LSAMP: variants seen among roughly 807,000 people sequenced by gnomAD.
The protein encoded by LSAMP is limbic system associated membrane protein.
LSAMP carries 7 observed loss-of-function variants against 38.6 expected under a neutral mutation model. The observed-to-expected ratio is 0.18, with a 90% CI of 0.10 to 0.34. The LOEUF (loss-of-function observed/expected upper bound fraction) is 0.34. Among genes scored for constraint, LSAMP ranks in the 10% least tolerant of loss-of-function variants. The pLI is 1.00. For synonymous variants in LSAMP, 154 were observed against 166.8 expected, an observed-to-expected ratio of 0.92 and a Z score of 0.59; for missense variants, 313 against 420.0, an observed-to-expected ratio of 0.75 and a Z score of 2.23.
intron 3 of LSAMP, among the ~76,000 whole-genome samples, chr3:115,941,088 A>C (rs1937903903): frequency 6.6e-6 from 1 of 152,174 alleles, no homozygotes; most frequent in Admixed American, 6.5e-5. Context: ...TCAATAGCAA[A>C]AACTCAAATG....
intron 3 of LSAMP, among the ~76,000 whole-genome samples, chr3:115,907,679 A>G (rs956291039): frequency 1.3e-5 from 2 of 152,178 alleles, no homozygotes; most frequent in African/African-American, 4.8e-5. Flanking sequence ...AAATAGCAAA[A>G]AGTAGTTCTC....
intron 6 of LSAMP, among the ~76,000 whole-genome samples, chr3:115,821,105 G>A (rs1269567646): frequency 6.6e-6 from 1 of 152,060 alleles, no homozygotes; most frequent in African/African-American, 2.4e-5. Context: ...TACGTGATGT[G>A]ATTTTTTTCT....
At chr3:115,975,626 A>T (rs1440716632) in intron 3 of LSAMP, among the ~76,000 whole-genome samples, 1 of 151,854 alleles carries the variant, frequency 6.6e-6, no homozygotes, top group South Asian at 2.1e-4. Context: ...CACTCTCCTG[A>T]CTCCTGTACT....
intron 1 of LSAMP, among the ~76,000 whole-genome samples, chr3:116,102,533 T>A (rs1452060469): frequency 6.6e-6 from 1 of 152,208 alleles, no homozygotes; most frequent in Non-Finnish European, 1.5e-5. Flanking sequence ...TCTTCCCAAA[T>A]GTGGGTAGGC....
In LSAMP at chr3:115,938,431, T is replaced by G. The variant is rs147963230; in HGVS notation, c.514+81084A>C. Among the ~76,000 whole-genome samples, 664 of 152,318 alleles carry G rather than the reference T, an allele frequency of 4.4e-3. 9 individuals carry two copies. The highest frequency in any genetic ancestry group is 0.016 in the African/African-American group (648 of 41,588). On this transcript the variant is annotated intron_variant, in intron 3 of 6. Transcript: ENST00000490035. The stretch of plus-strand genomic sequence containing the variant: ...TACATTCTTTCTATAATGAGTTCCT[T>G]CTTTAATGAGTATCACCTAAAGTAT...
chr3:115,952,023 C>T (rs907798826), intron 3 of LSAMP, among the ~76,000 whole-genome samples: 12 of 152,280 alleles, frequency 7.9e-5, no homozygotes, highest in African/African-American at 1.2e-4. Context: ...AGATTACCAC[C>T]TTAGTCCTGC....
Position 116,409,512 on chromosome 3 carries a change from T to C in LSAMP, c.155+35365A>G, listed in dbSNP as rs569725952. On this transcript the variant is annotated intron_variant, in intron 1 of 6. Coordinates refer to ENST00000490035, the MANE Select transcript of LSAMP (RefSeq NM_002338.5). ...GACCTGAGGAAGTCAGAACAACTGG[T>C]AGAATCTGCCCCCTGCAATCCATTC... is the stretch of plus-strand genomic sequence containing the variant. Among the ~76,000 whole-genome samples, 12 of 152,166 alleles carry C rather than the reference T, an allele frequency of 7.9e-5. No individual in the cohort carries two copies. The South Asian group carries it at 2.5e-3, about 32-fold the overall frequency.
chr3:116,048,506 A>C (rs1275344371), intron 2 of LSAMP, among the ~76,000 whole-genome samples: 3 of 152,228 alleles, frequency 2.0e-5, no homozygotes, highest in Non-Finnish European at 2.9e-5. Context: ...TATGGACTAT[A>C]CATTTGGACA....
intron 1 of LSAMP, among the ~76,000 whole-genome samples, chr3:116,366,827 A>G (rs1471835444): frequency 2.0e-5 from 3 of 152,152 alleles, no homozygotes; most frequent in South Asian, 2.1e-4. Flanking sequence ...TGATTTGGAC[A>G]TTTAATAATA....
intron 6 of LSAMP, among the ~76,000 whole-genome samples, chr3:115,837,711 C>T (rs1381854104): frequency 6.6e-6 from 1 of 152,182 alleles, no homozygotes; most frequent in Non-Finnish European, 1.5e-5. Context: ...GATATATCTC[C>T]TAATATTTAT....
At chr3:116,337,171 G>C (rs367896003) in intron 1 of LSAMP, among the ~76,000 whole-genome samples, 1 of 151,798 alleles carries the variant, frequency 6.6e-6, no homozygotes, top group East Asian at 1.9e-4. Flanking sequence ...GGAAGTAAGG[G>C]AATATGGAAA....
intron 1 of LSAMP, among the ~76,000 whole-genome samples, chr3:116,393,290 C>T (rs73861673): frequency 0.02 from 3,111 of 152,278 alleles, 111 homozygotes; most frequent in African/African-American, 0.072. Context: ...CCTGTGGTTC[C>T]TGGTATCTCC....
chr3:116,099,083 C>T (rs1708288437), intron 1 of LSAMP, among the ~76,000 whole-genome samples: 1 of 152,172 alleles, frequency 6.6e-6, no homozygotes, highest in South Asian at 2.1e-4. Flanking sequence ...GCCATCACCC[C>T]CTTGTACTAC....
At chr3:116,193,053 C>A (rs536821172) in intron 1 of LSAMP, among the ~76,000 whole-genome samples, 2 of 152,000 alleles carry the variant, frequency 1.3e-5, no homozygotes, top group Admixed American at 1.3e-4. Flanking sequence ...AGGATGAGGG[C>A]GATGTTATTA....
intron 3 of LSAMP, among the ~76,000 whole-genome samples, chr3:115,941,568 CACAG>C (rs1309677308): frequency 6.6e-6 from 1 of 152,066 alleles, no homozygotes; most frequent in Non-Finnish European, 1.5e-5. Flanking sequence ...CGCACACACA[CACAG>C]ACACACACAC....
chr3:116,072,756 T>G (rs890744616), intron 2 of LSAMP, among the ~76,000 whole-genome samples: 4 of 145,614 alleles, frequency 2.7e-5, no homozygotes, highest in Non-Finnish European at 4.4e-5. Flanking sequence ...TTTGTGGTTT[T>G]TTTTTTTTTT....
chr3:115,950,727 A>G (rs1938254665), intron 3 of LSAMP, among the ~76,000 whole-genome samples: 1 of 149,850 alleles, frequency 6.7e-6, no homozygotes, highest in African/African-American at 2.5e-5. Context: ...ATTACTCACA[A>G]AACTAGGAAA....
At chr3:115,963,914 T>C (rs1474792686) in intron 3 of LSAMP, among the ~76,000 whole-genome samples, 1 of 152,084 alleles carries the variant, frequency 6.6e-6, no homozygotes, top group East Asian at 1.9e-4. Context: ...CCACCACACC[T>C]GGCTATTTTT....
intron 1 of LSAMP, among the ~76,000 whole-genome samples, chr3:116,113,367 G>A (rs1204994209): frequency 6.9e-6 from 1 of 144,428 alleles, no homozygotes; most frequent in African/African-American, 2.6e-5. Flanking sequence ...ATGTTCGGTA[G>A]AGAAGTTTAG....
Sources: gnomAD v4.1 joint callset for allele counts (sites outside exome capture counted in the v4.1 genomes callset) on GRCh38, gnomAD v4.1.1 for gene constraint, MANE v1.5 for transcripts, NCBI Gene and HGNC (gene_info 2026-07-23, HGNC 2026-07-21) for gene names.